THBS1: variants seen among roughly 807,000 people sequenced by gnomAD.
THBS1 encodes thrombospondin 1.
A neutral mutation model predicts 126.1 loss-of-function variants in THBS1; 29 were observed. The ratio of observed to expected loss-of-function variants is 0.23; its 90% CI spans 0.17 to 0.31. THBS1 has a LOEUF of 0.31. Among genes scored for constraint, THBS1 ranks in the 10% least tolerant of loss-of-function variants. The pLI is 1.00. For synonymous variants in THBS1, 496 were observed against 577.8 expected (o/e 0.86, Z 2.03); for missense variants, 1,198 against 1,545.2 (o/e 0.78, Z 3.77).
At chr15:39,591,149 C>A in intron 14 of THBS1, 42 bp from the exon 15 acceptor site, 1 of 1,598,490 alleles carries the variant, frequency 6.3e-7, no homozygotes, top group South Asian at 1.1e-5. Context: ...GAGCTGTTTT[C>A]AAGGACAACA....
chr15:39,590,987 T>G (rs1445152992), intron 14 of THBS1: 3 of 608,358 alleles, frequency 4.9e-6, no homozygotes, highest in Non-Finnish European at 8.4e-6. Flanking sequence ...TCTCACTAAC[T>G]TCTAACCCAC....
chr15:39,594,186 G>T lies in THBS1; in HGVS notation c.3355G>T (p.Gly1119Cys). ...RWRLSHRPKT[G>C]FIRVVMYEGK... Reference sequence around the variant, plus strand: ...GCGTCTCAGCCACAGGCCAAAGACGGGTTTCATTAGGTACGATCATACTGA... The same window carrying T: ...GCGTCTCAGCCACAGGCCAAAGACGTGTTTCATTAGGTACGATCATACTGA... The change falls in exon 20 of 22, where the codon GGT becomes TGT. Residue 1119 changes from glycine (G) to cysteine (C), a missense_variant. Gly to Cys is a radical substitution (Grantham distance 159). Transcript: ENST00000260356. The surrounding 1 kb of genome is among the most constrained non-coding windows in gnomAD (Gnocchi z 4.4). The T allele has an allele frequency of 1.2e-6, 2 of 1,614,180 alleles. No individual in the cohort carries two copies. The highest frequency in any genetic ancestry group is 1.7e-6 in the Non-Finnish European group (2 of 1,180,022).
At chr15:39,587,214 C>T (rs1208303634) in intron 7 of THBS1, 133 bp from the exon 8 acceptor site, 2 of 784,318 alleles carry the variant, frequency 2.5e-6, no homozygotes, top group East Asian at 5.4e-5. Flanking sequence ...GTCAATTATA[C>T]CTCAGTAAAG....
rs142367680 is a variant in THBS1, at chr15:39,593,061, T to C, written c.2829T>C (p.Asp943=). 5 of 1,607,676 alleles carry C rather than the reference T, an allele frequency of 3.1e-6. No individual in the cohort carries two copies. Among genetic ancestry groups the C allele is most frequent in the African/African-American group, 2.7e-5 (2 of 74,800 alleles). ...DFDHDSVPDI[D]DICPENVDIS... ...ACCATGACAGTGTGCCAGACATCGA[T>C]GACATCTGTCCTGAGAATGTTGACA... The change falls in exon 18 of 22, where the codon GAT becomes GAC. Residue 943 remains aspartate (D), a synonymous_variant. Transcript: ENST00000260356. This position sits in a 1 kb window ranked among gnomAD's most constrained non-coding sequence, Gnocchi z 5.9.
chr15:39,593,593 A>G lies in THBS1; in HGVS notation c.3192A>G (p.Lys1064=). 6.2e-7 allele frequency: 1 copy of G among 1,614,214 alleles called. No individual in the cohort carries two copies. The highest frequency in any genetic ancestry group is 1.1e-5 in the South Asian group (1 of 91,080). Residue 1064 remains lysine, a synonymous_variant, in exon 19 of 22, where the codon AAA becomes AAG. Transcript: ENST00000260356. The surrounding 1 kb of genome is among the most constrained non-coding windows in gnomAD (Gnocchi z 5.9). ...AGGGATACTCGGGCCTTTCTGTGAAAGTTGTAAACTCCACCACAGGGCCTG... is the reference window on the plus strand; with the variant it reads ...AGGGATACTCGGGCCTTTCTGTGAAGGTTGTAAACTCCACCACAGGGCCTG... ...RAQGYSGLSV[K]VVNSTTGPGE...
chr15:39,597,737 C>T lies in THBS1; in HGVS notation c.*2368C>T, dbSNP rs1890506007. 1 of 152,128 alleles carries T rather than the reference C, an allele frequency of 6.6e-6. No individual in the cohort carries two copies. Among genetic ancestry groups the T allele is most frequent in the Non-Finnish European group, 1.5e-5 (1 of 68,030 alleles). 9.4% of individuals were successfully genotyped at this position (152,128 alleles called of 1,614,324 possible). On this transcript the variant is annotated 3_prime_UTR_variant, in exon 22 of 22. Transcript: ENST00000260356. ...GAAATTATCCCTAAGTCAAGGGCCC[C>T]CATAAGAATAAAATTTCTTATTAAG...
Position 39,589,955 on chromosome 15 carries a change from A to G in THBS1, c.2077A>G (p.Thr693Ala), listed in dbSNP as rs1194243289. The G allele has an allele frequency of 2.5e-6, 4 of 1,613,926 alleles. No homozygotes were observed. The East Asian group carries it at 6.7e-5, about 27-fold the overall frequency. ...AGNGIICGED[T>A]DLDGWPNENL... is the part of the protein sequence containing the mutation. ...CAATGGCATCATCTGCGGGGAGGAC[A>G]CAGACCTGGATGGCTGGCCCAATGA... Residue 693 changes from threonine (T) to alanine (A), a missense_variant, in exon 13 of 22, where the codon ACA becomes GCA. Physicochemically the swap from Thr to Ala is moderately conservative, Grantham distance 58. Coordinates refer to ENST00000260356, the MANE Select transcript of THBS1 (RefSeq NM_003246.4). This position sits in a 1 kb window ranked among gnomAD's most constrained non-coding sequence, Gnocchi z 4.7.
chr15:39,589,291 C>G lies in THBS1; in HGVS notation c.1863C>G (p.Pro621=). 1 of 1,614,174 alleles carries G rather than the reference C, an allele frequency of 6.2e-7. No individual in the cohort carries two copies. Among genetic ancestry groups the G allele is most frequent in the Non-Finnish European group, 8.5e-7 (1 of 1,180,046 alleles). ...CCGGCTACAACTGCCTGCCCTGCCC[C>G]CCACGCTTCACCGGCTCACAGCCCT... The part of the protein sequence containing the change: ...TDPGYNCLPC[P]PRFTGSQPFG... Residue 621 remains proline (P), a synonymous_variant, in exon 12 of 22, where the codon CCC becomes CCG. Transcript: ENST00000260356. The surrounding 1 kb of genome is among the most constrained non-coding windows in gnomAD (Gnocchi z 4.7).
At position 39,589,340 on chromosome 15, in the gene THBS1, A is replaced by G; in HGVS notation, c.1912A>G (p.Thr638Ala). The change falls in exon 12 of 22, where the codon ACG (threonine) becomes GCG (alanine). Residue 638 changes from threonine to alanine, a missense_variant. Thr to Ala is a moderately conservative substitution (Grantham distance 58). Coordinates refer to ENST00000260356, the MANE Select transcript of THBS1 (RefSeq NM_003246.4). This position sits in a 1 kb window ranked among gnomAD's most constrained non-coding sequence, Gnocchi z 4.7. Reference protein sequence around the residue: ...QPFGQGVEHATANKQVCKPRN... With the variant: ...QPFGQGVEHAAANKQVCKPRN... ...CTTCGGCCAGGGTGTCGAACATGCC[A>G]CGGCCAACAAACAGGTACAGTCAAC... 6.2e-7 allele frequency: 1 copy of G among 1,613,994 alleles called. No homozygotes were observed. Among genetic ancestry groups the G allele is most frequent in the Non-Finnish European group, 8.5e-7 (1 of 1,180,008 alleles).
Position 39,589,261 on chromosome 15 carries a change from G to C in THBS1, c.1833G>C (p.Thr611=). The change falls in exon 12 of 22, where the codon ACG becomes ACC. Residue 611 remains threonine, a synonymous_variant. Coordinates refer to ENST00000260356, the MANE Select transcript of THBS1 (RefSeq NM_003246.4). The surrounding 1 kb of genome is among the most constrained non-coding windows in gnomAD (Gnocchi z 4.7). ...NHNGEHRCEN[T]DPGYNCLPCP... is the part of the protein sequence containing the mutation. ...ATGGAGAGCACCGGTGTGAGAACAC[G>C]GACCCCGGCTACAACTGCCTGCCCT... 1 of 1,614,128 alleles carries C rather than the reference G, an allele frequency of 6.2e-7. No individual in the cohort carries two copies. The highest frequency in any genetic ancestry group is 1.6e-4 in the Middle Eastern group (1 of 6,062).
In THBS1 at chr15:39,592,902, G is replaced by T; in HGVS notation, c.2768-98G>T. 1 of 1,536,894 alleles carries T rather than the reference G, an allele frequency of 6.5e-7. No individual in the cohort carries two copies. Among genetic ancestry groups the T allele is most frequent in the South Asian group, 1.2e-5 (1 of 85,794 alleles). On this transcript the variant is annotated intron_variant, in intron 17 of 21. Transcript: ENST00000260356. This position sits in a 1 kb window ranked among gnomAD's most constrained non-coding sequence, Gnocchi z 4.3. ...CTCAAAGCATTTGACAGGATGAAGG[G>T]ACCAAATGCCAACTTAGACAAGATA...
intron 9 of THBS1, 133 bp from the exon 10 acceptor site, chr15:39,588,393 T>C: frequency 1.5e-6 from 2 of 1,321,296 alleles, no homozygotes; most frequent in South Asian, 3.1e-5. Flanking sequence ...AAAAACAAAC[T>C]CACCCTCTTC....
intron 14 of THBS1, chr15:39,590,889 C>T (rs1890313277): frequency 1.9e-6 from 1 of 532,354 alleles, no homozygotes; most frequent in Admixed American, 3.7e-5. Flanking sequence ...ACTTTGTTCC[C>T]TAGATTCATT....
At position 39,593,405 on chromosome 15, in the gene THBS1, G is replaced by A; in HGVS notation, c.3004G>A (p.Glu1002Lys). 1 of 1,614,082 alleles carries A rather than the reference G, an allele frequency of 6.2e-7. No individual in the cohort carries two copies. The highest frequency in any genetic ancestry group is 8.5e-7 in the Non-Finnish European group (1 of 1,179,952). The change falls in exon 19 of 22, where the codon GAG becomes AAG. Residue 1002 changes from glutamate (E) to lysine (K), a missense_variant. Physicochemically the swap from Glu to Lys is moderately conservative, Grantham distance 56. Transcript: ENST00000260356. The surrounding 1 kb of genome is among the most constrained non-coding windows in gnomAD (Gnocchi z 5.9). ...CDPGLAVGYD[E>K]FNAVDFSGTF... ...CTGGGCTCTTCTTCCAGGTTATGATGAGTTTAATGCTGTGGACTTCAGTGG... is the reference window on the plus strand; with the variant it reads ...CTGGGCTCTTCTTCCAGGTTATGATAAGTTTAATGCTGTGGACTTCAGTGG...
rs1448594009 is a variant in THBS1, at chr15:39,592,854, AGAT to A, written c.2767+53_2767+55del. 7 of 1,579,520 alleles carry A rather than the reference AGAT, an allele frequency of 4.4e-6. No homozygotes were observed. Among genetic ancestry groups the A allele is most frequent in the African/African-American group, 1.3e-5 (1 of 74,400 alleles). On this transcript the variant is annotated intron_variant, in intron 17 of 21. Transcript: ENST00000260356. This position sits in a 1 kb window ranked among gnomAD's most constrained non-coding sequence, Gnocchi z 4.3. ...ACAGGGACTGCTGGCACAGCTGTGT[AGAT>A]TGAAGAAATGAAACCAAGGCTCAAA... is the stretch of plus-strand genomic sequence containing the variant.
At position 39,592,766 on chromosome 15, in the gene THBS1, A is replaced by C; in HGVS notation, c.2731A>C (p.Arg911=). Residue 911 remains arginine (R), a synonymous_variant, in exon 17 of 22, where the codon AGA becomes CGA. Transcript: ENST00000260356. The surrounding 1 kb of genome is among the most constrained non-coding windows in gnomAD (Gnocchi z 4.3). ...DGIPDDKDNC[R]LVPNPDQKDS... is the part of the protein sequence containing the mutation. Reference sequence around the variant, plus strand: ...CATTCCTGATGACAAGGACAACTGCAGACTCGTGCCCAATCCCGACCAGAA... The same window carrying C: ...CATTCCTGATGACAAGGACAACTGCCGACTCGTGCCCAATCCCGACCAGAA... 6.2e-7 allele frequency: 1 copy of C among 1,614,178 alleles called. No homozygotes were observed. Among genetic ancestry groups the C allele is most frequent in the East Asian group, 2.2e-5 (1 of 44,890 alleles).
chr15:39,581,382 G>C (rs1236555371), intron 1 of THBS1, among the ~76,000 whole-genome samples, 154 bp downstream of exon 1: 1 of 152,186 alleles, frequency 6.6e-6, no homozygotes, highest in Non-Finnish European at 1.5e-5. Context: ...GGACTCTTCA[G>C]GGCAAGGCTC....
Position 39,584,301 on chromosome 15 carries a change from C to T in THBS1, c.905C>T (p.Thr302Ile), listed in dbSNP as rs1175503028. Reference sequence around the variant, plus strand: ...CTAATGATATTCTCTCCCATTTAGACTGAAGAGAACAAAGAGTTGGCCAAT... The same window carrying T: ...CTAATGATATTCTCTCCCATTTAGATTGAAGAGAACAAAGAGTTGGCCAAT... ...TTLQDSIRKV[T>I]EENKELANEL... The change falls in exon 6 of 22, where the codon ACT (threonine) becomes ATT (isoleucine). Residue 302 changes from threonine (T) to isoleucine (I), a missense_variant and splice_region_variant. Thr to Ile is a moderately conservative substitution (Grantham distance 89). Transcript: ENST00000260356. 6.2e-7 allele frequency: 1 copy of T among 1,614,232 alleles called. No homozygotes were observed. Among genetic ancestry groups the T allele is most frequent in the Admixed American group, 1.7e-5 (1 of 60,026 alleles).
At chr15:39,584,273 A>G (rs1890169336) in intron 5 of THBS1, 27 bp from the exon 6 acceptor site, 1 of 1,614,036 alleles carries the variant, frequency 6.2e-7, no homozygotes, top group Non-Finnish European at 8.5e-7. Context: ...ATGCGGGGGG[A>G]CACTAATGAT....
Sources: allele counts gnomAD v4.1 joint callset (sites outside exome capture counted in the v4.1 genomes callset), GRCh38; gene constraint gnomAD v4.1.1; non-coding constraint Gnocchi (gnomAD v3.1); transcripts MANE v1.5; gene names NCBI Gene and HGNC (gene_info 2026-07-23, HGNC 2026-07-21).